Variants in PPARG observed in about 807,000 individuals in gnomAD.
The protein encoded by PPARG is peroxisome proliferator-activated receptor gamma.
In PPARG, 17 loss-of-function variants were observed where a neutral mutation model predicts 39.2. The observed-to-expected ratio is 0.43, with a 90% CI of 0.30 to 0.65. The LOEUF (loss-of-function observed/expected upper bound fraction) is 0.65. Among genes scored for constraint, PPARG ranks in the 30% least tolerant of loss-of-function variants. The pLI is 0.13. For missense variants in PPARG, 406 were observed against 585.9 expected, an observed-to-expected ratio of 0.69 and a Z score of 3.17; for synonymous variants, 223 against 215.7, an observed-to-expected ratio of 1.03 and a Z score of -0.30.
At chr3:12,289,766 C>T (rs774165114) in intron 1 of PPARG, among the ~76,000 whole-genome samples, 9 of 152,110 alleles carry the variant, frequency 5.9e-5, no homozygotes, top group Non-Finnish European at 8.8e-5. Flanking sequence ...AAAGAAATAC[C>T]TTTCACTCCT....
intron 6 of PPARG, among the ~76,000 whole-genome samples, chr3:12,411,997 A>G (rs1164550708): frequency 6.6e-6 from 1 of 152,226 alleles, no homozygotes; most frequent in Admixed American, 6.5e-5. Flanking sequence ...CATTTTTCCA[A>G]GCCAGTTTTC....
rs552436260 is a variant in PPARG, at chr3:12,338,910, T to A, written c.-9+26457T>A. On this transcript the variant is annotated intron_variant, in intron 2 of 7. Transcript: ENST00000651735. ...GTGGCACTGAAACTGCTTGTCTGTA[T>A]TCAGTTATAAAATCATACATATAAT... Among the ~76,000 whole-genome samples, 4 of 152,360 alleles carry A rather than the reference T, an allele frequency of 2.6e-5. No homozygotes were observed. The South Asian group carries it at 8.3e-4, about 32-fold the overall frequency.
intron 2 of PPARG, among the ~76,000 whole-genome samples, chr3:12,368,203 A>G (rs2049085283): frequency 1.1e-5 from 1 of 87,360 alleles, no homozygotes; most frequent in Non-Finnish European, 2.7e-5. Context: ...TTTTTTTCAG[A>G]CAGTGTCTCT....
intron 1 of PPARG, 43 bp downstream of exon 1, chr3:12,289,177 G>A (rs1026833958): frequency 6.6e-6 from 1 of 152,144 alleles, no homozygotes; most frequent in Non-Finnish European, 1.5e-5. Flanking sequence ...GAATGTGTTG[G>A]TGATAGGTCC....
At chr3:12,299,760 G>A (rs1188905731) in intron 1 of PPARG, among the ~76,000 whole-genome samples, 2 of 151,998 alleles carry the variant, frequency 1.3e-5, no homozygotes, top group African/African-American at 4.8e-5. Flanking sequence ...GTAAAACAAA[G>A]TTCATGGAGA....
intron 7 of PPARG, among the ~76,000 whole-genome samples, chr3:12,417,902 C>CTTTTTTTTTTTTTTTTTTTTT (rs869086237): frequency 1.8e-4 from 12 of 65,900 alleles, no homozygotes; most frequent in African/African-American, 3.5e-4. Flanking sequence ...TTTTTTTTTC[C>CTTTTTTTTTTTTTTTTTTTTT]TTTTTTTTTT....
At position 12,405,879 on chromosome 3, in the gene PPARG, T is replaced by C. The variant is rs761847469; in HGVS notation, c.530-3T>C. 12 of 1,612,998 alleles carry C rather than the reference T, an allele frequency of 7.4e-6. No individual in the cohort carries two copies. Among genetic ancestry groups the C allele is most frequent in the Non-Finnish European group, 9.3e-6 (11 of 1,179,022 alleles). On this transcript the variant is annotated splice_polypyrimidine_tract_variant and splice_region_variant and intron_variant, in intron 5 of 7. Transcript: ENST00000651735. ...TCATCCTGTCATTCCTCTTCCTCTA[T>C]AGCCATCAGGTTTGGGCGGATGCCA...
chr3:12,366,723 A>G (rs1179843750), intron 2 of PPARG, among the ~76,000 whole-genome samples: 1 of 152,074 alleles, frequency 6.6e-6, no homozygotes, highest in African/African-American at 2.4e-5. Flanking sequence ...TGTTGAACCA[A>G]CCCCACATAC....
chr3:12,312,611 A>G (rs1204152491), intron 2 of PPARG, among the ~76,000 whole-genome samples, 158 bp downstream of exon 2: 1 of 152,220 alleles, frequency 6.6e-6, no homozygotes, highest in African/African-American at 2.4e-5. Flanking sequence ...CAGTTGGACT[A>G]TGCAGTGTAA....
chr3:12,325,060 G>A (rs2047652770), intron 2 of PPARG, among the ~76,000 whole-genome samples: 1 of 152,154 alleles, frequency 6.6e-6, no homozygotes, highest in African/African-American at 2.4e-5. Context: ...GCTGAGGCGG[G>A]CGGATCACTT....
intron 5 of PPARG, among the ~76,000 whole-genome samples, chr3:12,394,567 TGTTCA>T (rs759375328): frequency 9.2e-5 from 14 of 152,206 alleles, no homozygotes; most frequent in Non-Finnish European, 1.9e-4. Flanking sequence ...AGGGAGTGTT[TGTTCA>T]GTTCTAGCAA....
Position 12,333,511 on chromosome 3 carries a change from C to T in PPARG, c.-9+21058C>T, listed in dbSNP as rs535308596. 1.0e-3 allele frequency among the ~76,000 whole-genome samples: 156 copies of T among 152,262 alleles called. 1 individual carries two copies. Among genetic ancestry groups the T allele is most frequent in the Non-Finnish European group, 1.9e-3 (127 of 68,006 alleles). On this transcript the variant is annotated intron_variant, in intron 2 of 7. Transcript: ENST00000651735. ...ACAGAGTCTCACTCTGTTGCTCAGGCTGGAGTGCAGTGGTGCCATCGTGGC... is the reference window on the plus strand; with the variant it reads ...ACAGAGTCTCACTCTGTTGCTCAGGTTGGAGTGCAGTGGTGCCATCGTGGC...
At chr3:12,325,352 C>T (rs560311911) in intron 2 of PPARG, among the ~76,000 whole-genome samples, 19 of 152,142 alleles carry the variant, frequency 1.2e-4, no homozygotes, top group African/African-American at 2.9e-4. Context: ...ACCCAAGAGG[C>T]GGAGGTTGCA....
At chr3:12,387,891 G>A (rs1408515733) in intron 4 of PPARG, among the ~76,000 whole-genome samples, 1 of 137,864 alleles carries the variant, frequency 7.3e-6, no homozygotes, top group East Asian at 2.1e-4. Context: ...AGTTAATTTT[G>A]TATATGGTGT....
rs752068471 is a variant in PPARG at position 12,351,643 on chromosome 3, C to T, written c.-8-28061C>T. 3 of 1,611,148 alleles carry T rather than the reference C, an allele frequency of 1.9e-6. No homozygotes were observed. The South Asian group carries it at 3.3e-5, about 18-fold the overall frequency. On this transcript the variant is annotated intron_variant, in intron 2 of 7. Coordinates refer to ENST00000651735, the MANE Select transcript of PPARG (RefSeq NM_138711.6). ...CTATTGACCCAGAAAGCGATTCCTT[C>T]ACTGATACACTGTCTGCAAACATAT...
chr3:12,386,080 G>C (rs1207705025), intron 4 of PPARG, among the ~76,000 whole-genome samples: 1 of 152,162 alleles, frequency 6.6e-6, no homozygotes, highest in East Asian at 1.9e-4. Context: ...CAGACTTCCT[G>C]ATCATCAGAA....
At chr3:12,393,095 G>T (rs891522838) in intron 5 of PPARG, among the ~76,000 whole-genome samples, 1 of 151,230 alleles carries the variant, frequency 6.6e-6, no homozygotes, top group African/African-American at 2.4e-5. Context: ...TTACTTTTGT[G>T]TATCAGTAGT....
intron 2 of PPARG, chr3:12,328,209 C>A: frequency 6.7e-7 from 1 of 1,492,524 alleles, no homozygotes; most frequent in Non-Finnish European, 9.3e-7. Flanking sequence ...AAAGTCCTAC[C>A]TGGAGCGGAG....
At chr3:12,335,462 T>G (rs1194479192) in intron 2 of PPARG, among the ~76,000 whole-genome samples, 4 of 152,180 alleles carry the variant, frequency 2.6e-5, no homozygotes, top group African/African-American at 9.7e-5. Context: ...ATTTTTAGAG[T>G]GTGGTTCCTG....
Sources: gnomAD v4.1 joint callset for allele counts (sites outside exome capture counted in the v4.1 genomes callset) on GRCh38, gnomAD v4.1.1 for gene constraint, MANE v1.5 for transcripts, NCBI Gene and HGNC (gene_info 2026-07-23, HGNC 2026-07-21) for gene names.